NCALD: variants seen among roughly 807,000 people sequenced by gnomAD.
NCALD encodes neurocalcin-delta.
A neutral mutation model predicts 18.6 loss-of-function variants in NCALD; 10 were observed. The ratio of observed to expected loss-of-function variants is 0.54; its 90% CI spans 0.33 to 0.91. The LOEUF (loss-of-function observed/expected upper bound fraction) is 0.91. Ranked by LOEUF, NCALD falls within the 40% of genes least tolerant of loss-of-function variation. The pLI is 0.03. For synonymous variants in NCALD, 88 were observed against 87.4 expected (o/e 1.01, Z -0.04); for missense variants, 184 against 247.6 (o/e 0.74, Z 1.72).
At chr8:101,983,510 T>C (rs1820697344) in intron 2 of NCALD, among the ~76,000 whole-genome samples, 1 of 152,234 alleles carries the variant, frequency 6.6e-6, no homozygotes, top group South Asian at 2.1e-4. Context: ...GAGAGAAACT[T>C]ATGTTAAATT....
chr8:101,801,643 CTTTTTTTTTTTTTTTTTTTTTTTTTTTT>C (rs71268530), intron 4 of NCALD, among the ~76,000 whole-genome samples: 5 of 44,142 alleles, frequency 1.1e-4, no homozygotes, highest in South Asian at 2.2e-3. Context: ...AGCACACTTA[CTTTTTTTTTTTTTTTTTTTTTTTTTTTT>C]TTTTTTTTTT....
At chr8:101,717,183 T>A (rs1816126942) in intron 2 of NCALD, among the ~76,000 whole-genome samples, 1 of 152,038 alleles carries the variant, frequency 6.6e-6, no homozygotes, top group African/African-American at 2.4e-5. Context: ...AATTTTAGAG[T>A]TTTTTCCTAC....
At chr8:102,002,831 A>G (rs891022437) in intron 2 of NCALD, among the ~76,000 whole-genome samples, 5 of 152,242 alleles carry the variant, frequency 3.3e-5, no homozygotes, top group African/African-American at 1.2e-4. Flanking sequence ...GAAACCAACG[A>G]GAACAAAGAC....
chr8:101,704,900 CAA>C (rs1815436408), intron 2 of NCALD, among the ~76,000 whole-genome samples: 1 of 145,408 alleles, frequency 6.9e-6, no homozygotes, highest in African/African-American at 2.6e-5. Flanking sequence ...GCCTAGGCGA[CAA>C]GAGCGAAAAC....
intron 4 of NCALD, among the ~76,000 whole-genome samples, chr8:101,804,386 AT>A (rs1563785949): frequency 8.7e-5 from 12 of 137,314 alleles, no homozygotes; most frequent in South Asian, 8.6e-4. Context: ...ATGTTACTAT[AT>A]ATAGAAATAT....
chr8:101,837,354 AGTGT>A (rs1344366910), intron 4 of NCALD, among the ~76,000 whole-genome samples: 1 of 152,214 alleles, frequency 6.6e-6, no homozygotes, highest in Non-Finnish European at 1.5e-5. Context: ...TCAAATAAAT[AGTGT>A]AAGTGACATG....
At chr8:101,898,617 G>A (rs567872804) in intron 3 of NCALD, among the ~76,000 whole-genome samples, 2 of 152,138 alleles carry the variant, frequency 1.3e-5, no homozygotes, top group South Asian at 4.1e-4. Context: ...TTTCTGGTAT[G>A]TTTTCTTTTA....
chr8:101,799,111 C>A (rs934706278), intron 4 of NCALD, among the ~76,000 whole-genome samples: 5 of 152,050 alleles, frequency 3.3e-5, no homozygotes, highest in African/African-American at 9.7e-5. Flanking sequence ...CAGTAAAACA[C>A]ACAATCCAAC....
At chr8:102,003,721 A>C (rs926380864) in intron 2 of NCALD, among the ~76,000 whole-genome samples, 2 of 152,262 alleles carry the variant, frequency 1.3e-5, no homozygotes, top group Non-Finnish European at 1.5e-5. Context: ...AGACTGGTTC[A>C]ACATACGCAA....
At chr8:101,941,471 T>C (rs1818953533) in intron 2 of NCALD, among the ~76,000 whole-genome samples, 1 of 152,198 alleles carries the variant, frequency 6.6e-6, no homozygotes, top group Non-Finnish European at 1.5e-5. Context: ...CCAGTACCAG[T>C]ACCAGCCCGG....
chr8:101,696,153 G>A (rs1254924884), intron 2 of NCALD, among the ~76,000 whole-genome samples: 4 of 152,088 alleles, frequency 2.6e-5, no homozygotes, highest in Non-Finnish European at 5.9e-5. Flanking sequence ...TAGACCCCAG[G>A]TCATGGAAAT....
chr8:101,700,264 A>G (rs926564354), intron 2 of NCALD, among the ~76,000 whole-genome samples: 4 of 151,858 alleles, frequency 2.6e-5, no homozygotes, highest in Non-Finnish European at 4.4e-5. Flanking sequence ...GGGTTTCTCT[A>G]TGTTGCCCAA....
At chr8:102,031,857 A>G (rs1822685052) in intron 1 of NCALD, among the ~76,000 whole-genome samples, 1 of 152,216 alleles carries the variant, frequency 6.6e-6, no homozygotes, top group African/African-American at 2.4e-5. Flanking sequence ...TCTCCCTGTG[A>G]TCCCTGGAGG....
At position 102,031,289 on chromosome 8, in the gene NCALD, G is replaced by A. The variant is rs148057626; in HGVS notation, c.-209-11000C>T. Among the ~76,000 whole-genome samples, 339 of 152,292 alleles carry A rather than the reference G, an allele frequency of 2.2e-3. 1 individual carries two copies. The highest frequency in any genetic ancestry group is 7.7e-3 in the African/African-American group (321 of 41,566). Reference sequence around the variant, plus strand: ...AAACGATAAGGAAAAATAAAGGGATGGAGCAGGAAGGTACAAATTAAAAGA... The same window carrying A: ...AAACGATAAGGAAAAATAAAGGGATAGAGCAGGAAGGTACAAATTAAAAGA... On this transcript the variant is annotated intron_variant, in intron 1 of 6. Coordinates refer to the NCALD transcript ENST00000311028.
chr8:101,842,398 G>T (rs73696511), intron 4 of NCALD, among the ~76,000 whole-genome samples: 1,615 of 152,284 alleles, frequency 0.011, 33 homozygotes, highest in African/African-American at 0.036. Flanking sequence ...AGTTGGGAGT[G>T]ATTTCCTCTG....
intron 1 of NCALD, among the ~76,000 whole-genome samples, chr8:101,737,412 C>G (rs1487779063): frequency 6.6e-6 from 1 of 152,166 alleles, no homozygotes; most frequent in Non-Finnish European, 1.5e-5. Flanking sequence ...TTAAGGCTCC[C>G]CACCTGTTCA....
chr8:101,880,507 G>A lies in NCALD; in HGVS notation c.-20+6634C>T, dbSNP rs182998377. Among the ~76,000 whole-genome samples, 12 of 152,346 alleles carry A rather than the reference G, an allele frequency of 7.9e-5. No homozygotes were observed. In the East Asian group the frequency reaches 1.5e-3, roughly 20 times the overall value. ...CTGGAGCATGGCCAGAGCGGAGGCC[G>A]AGGCCAAGGAGGCGCTGAGAGTGAG... is the stretch of plus-strand genomic sequence containing the variant. On this transcript the variant is annotated intron_variant, in intron 4 of 6. Coordinates refer to the NCALD transcript ENST00000311028.
intron 4 of NCALD, among the ~76,000 whole-genome samples, chr8:101,833,877 G>GA (rs1335823255): frequency 6.6e-6 from 1 of 151,914 alleles, no homozygotes; most frequent in African/African-American, 2.4e-5. Flanking sequence ...TAGCACAAGA[G>GA]AAAAACAACG....
At chr8:101,914,321 T>C (rs1817903957) in intron 3 of NCALD, among the ~76,000 whole-genome samples, 1 of 152,028 alleles carries the variant, frequency 6.6e-6, no homozygotes, top group African/African-American at 2.4e-5. Flanking sequence ...GGAGGAAGAT[T>C]ACAAAGGCAA....
Sources: gnomAD v4.1 joint callset for allele counts (sites outside exome capture counted in the v4.1 genomes callset) on GRCh38, gnomAD v4.1.1 for gene constraint, MANE v1.5 for transcripts, NCBI Gene and HGNC (gene_info 2026-07-23, HGNC 2026-07-21) for gene names.